The following ACYP2 variants were observed in gnomAD, a reference collection of about 807,000 sequenced individuals.
ACYP2 encodes acylphosphatase 2, also known as acylphosphatase-2.
Under a neutral mutation model 11.2 loss-of-function variants are expected in ACYP2, and 12 were observed. That is an observed-to-expected ratio of 1.08 (90% confidence interval 0.69 to 1.74). ACYP2 has a LOEUF of 1.74. ACYP2 is among the 40% of genes most tolerant of loss of function. The pLI is 0.00. For synonymous variants in ACYP2, 43 were observed against 32.2 expected (o/e 1.33, Z -1.13); for missense variants, 134 against 101.9 (o/e 1.31, Z -1.35).
At chr2:54,292,210 G>T (rs954176714) in intron 6 of ACYP2, among the ~76,000 whole-genome samples, 19 of 151,542 alleles carry the variant, frequency 1.3e-4, no homozygotes, top group African/African-American at 4.1e-4. Context: ...TTTTTTTTTG[G>T]TAGATATAAA....
In ACYP2 at chr2:54,095,114, T is replaced by C. The variant is rs570025992; in HGVS notation, c.277+37754T>C. On this transcript the variant is annotated intron_variant, in intron 4 of 6. Coordinates refer to ENST00000607452, the MANE Select transcript of ACYP2 (RefSeq NM_001320586.2). Reference sequence around the variant, plus strand: ...TTAACGAGCATGCTGCCTTCAAGCATCTGTTTAACAAAGCACATCTTGCAC... The same window carrying C: ...TTAACGAGCATGCTGCCTTCAAGCACCTGTTTAACAAAGCACATCTTGCAC... 1.9e-3 allele frequency among the ~76,000 whole-genome samples: 293 copies of C among 151,908 alleles called. 2 individuals carry two copies. In the East Asian group the frequency reaches 0.03, roughly 15 times the overall value.
At chr2:54,115,756 G>A (rs1332617332) in intron 4 of ACYP2, 1 of 1,606,502 alleles carries the variant, frequency 6.2e-7, no homozygotes, top group Admixed American at 1.7e-5. Context: ...AAGAGTGCAG[G>A]GTAGGAGGCC....
intron 4 of ACYP2, among the ~76,000 whole-genome samples, chr2:54,114,057 T>TAA (rs919456372): frequency 6.6e-6 from 1 of 152,010 alleles, no homozygotes; most frequent in Non-Finnish European, 1.5e-5. Context: ...AACCATATTC[T>TAA]AACCAAGTTT....
intron 6 of ACYP2, among the ~76,000 whole-genome samples, chr2:54,203,256 A>AT (rs1684931228): frequency 6.8e-6 from 1 of 146,872 alleles, no homozygotes; most frequent in Admixed American, 6.7e-5. Flanking sequence ...GCTTAATTTT[A>AT]TTTTAAGATT....
chr2:54,126,370 T>C (rs1294019779), intron 4 of ACYP2, among the ~76,000 whole-genome samples: 2 of 152,138 alleles, frequency 1.3e-5, no homozygotes, highest in African/African-American at 4.8e-5. Context: ...CTGACATACC[T>C]TGATGGACAA....
intron 4 of ACYP2, among the ~76,000 whole-genome samples, chr2:54,132,568 C>G (rs1680969831): frequency 6.6e-6 from 1 of 152,102 alleles, no homozygotes; most frequent in African/African-American, 2.4e-5. Flanking sequence ...ATGCTTTCTT[C>G]TGTATCCTCT....
chr2:54,044,835 G>A (rs1388915046), intron 2 of ACYP2, among the ~76,000 whole-genome samples: 1 of 152,094 alleles, frequency 6.6e-6, no homozygotes, highest in East Asian at 1.9e-4. Flanking sequence ...GTTTGTTGTT[G>A]TGAAACCATC....
intron 4 of ACYP2, among the ~76,000 whole-genome samples, chr2:54,085,602 A>G (rs889814576): frequency 6.6e-6 from 1 of 152,184 alleles, no homozygotes; most frequent in Non-Finnish European, 1.5e-5. Flanking sequence ...GTTTATATCA[A>G]TTAGCCTGTG....
At chr2:54,154,938 C>G (rs1290201175) in intron 6 of ACYP2, among the ~76,000 whole-genome samples, 1 of 152,000 alleles carries the variant, frequency 6.6e-6, no homozygotes, top group Non-Finnish European at 1.5e-5. Context: ...TTGATTTAGT[C>G]TTTTTGAATT....
intron 6 of ACYP2, among the ~76,000 whole-genome samples, chr2:54,176,757 G>T (rs1683478949): frequency 1.3e-5 from 2 of 152,128 alleles, no homozygotes; most frequent in South Asian, 4.2e-4. Context: ...TCCAGGAATT[G>T]ACCTTGGCCT....
intron 1 of ACYP2, among the ~76,000 whole-genome samples, chr2:53,973,496 A>G (rs1671278288): frequency 6.6e-6 from 1 of 152,162 alleles, no homozygotes; most frequent in African/African-American, 2.4e-5. Flanking sequence ...CCACCCTAAC[A>G]GATGAATGTA....
At chr2:54,058,943 G>A (rs1367566824) in intron 4 of ACYP2, among the ~76,000 whole-genome samples, 1 of 152,042 alleles carries the variant, frequency 6.6e-6, no homozygotes, top group Non-Finnish European at 1.5e-5. Context: ...CACTGGAGGT[G>A]GGTTATCTCA....
intron 4 of ACYP2, among the ~76,000 whole-genome samples, chr2:54,113,724 G>A (rs926316377): frequency 6.6e-6 from 1 of 152,222 alleles, no homozygotes; most frequent in African/African-American, 2.4e-5. Flanking sequence ...GAAGGGGGAG[G>A]CATTCCAGAT....
At chr2:54,217,361 G>A (rs1685600687) in intron 6 of ACYP2, among the ~76,000 whole-genome samples, 1 of 151,948 alleles carries the variant, frequency 6.6e-6, no homozygotes, top group Non-Finnish European at 1.5e-5. Context: ...ACAGCTCTAG[G>A]TTTTTTGTTT....
intron 6 of ACYP2, among the ~76,000 whole-genome samples, chr2:54,183,521 G>A (rs1683835444): frequency 6.6e-6 from 1 of 150,616 alleles, no homozygotes; most frequent in Non-Finnish European, 1.5e-5. Context: ...GACAGAGCGA[G>A]ACCCGGTCTC....
intron 6 of ACYP2, among the ~76,000 whole-genome samples, chr2:54,285,190 A>G (rs546734380): frequency 6.6e-6 from 1 of 152,278 alleles, no homozygotes; most frequent in East Asian, 1.9e-4. Flanking sequence ...TCATGAGCTA[A>G]TCATCTCACA....
chr2:54,005,589 T>G (rs1329475096), intron 2 of ACYP2, among the ~76,000 whole-genome samples: 1 of 152,202 alleles, frequency 6.6e-6, no homozygotes, highest in Non-Finnish European at 1.5e-5. Flanking sequence ...TCCACCTGCC[T>G]CAGCCTCCCA....
chr2:54,070,607 C>T (rs1251409366), intron 4 of ACYP2, among the ~76,000 whole-genome samples: 1 of 152,190 alleles, frequency 6.6e-6, no homozygotes, highest in Non-Finnish European at 1.5e-5. Flanking sequence ...TGCACCAATT[C>T]AGCCCTCTGT....
intron 6 of ACYP2, among the ~76,000 whole-genome samples, chr2:54,165,643 GC>G (rs1458887331): frequency 6.6e-6 from 1 of 151,474 alleles, no homozygotes; most frequent in East Asian, 1.9e-4. Context: ...ACTATATGAT[GC>G]CCCATCCATG....
Sources: allele counts gnomAD v4.1 joint callset (sites outside exome capture counted in the v4.1 genomes callset), GRCh38; gene constraint gnomAD v4.1.1; transcripts MANE v1.5; gene names NCBI Gene and HGNC (gene_info 2026-07-23, HGNC 2026-07-21).